The following OR14I1 variants were observed in gnomAD, a reference collection of about 807,000 sequenced individuals.
OR14I1 encodes olfactory receptor family 14 subfamily I member 1.
For missense variants in OR14I1, 279 were observed against 181.8 expected, an observed-to-expected ratio of 1.53 and a Z score of -3.07; for synonymous variants, 118 against 71.1, an observed-to-expected ratio of 1.66 and a Z score of -3.32.
upstream of OR14I1, among the ~76,000 whole-genome samples, chr1:248,686,811 G>A (rs2103136061): frequency 8.4e-6 from 1 of 119,630 alleles, no homozygotes; most frequent in South Asian, 2.8e-4. Context: ...TCACTGTCTG[G>A]ACCAATGATG....
the OR14I1 span, chr1:248,698,971 A>G: frequency 5.3e-4 from 81 of 152,302 alleles, no homozygotes; most frequent in African/African-American, 1.9e-3. Context: ...GAAATTGCAA[A>G]TCAGCCATCA....
the OR14I1 span, chr1:248,697,301 C>A: frequency 1.3e-5 from 2 of 152,056 alleles, no homozygotes; most frequent in African/African-American, 2.4e-5. Flanking sequence ...TTGTCCAAAT[C>A]TCTTAGAAAT....
At chr1:248,694,002 C>G in the OR14I1 span, among the ~76,000 whole-genome samples, 2 of 152,052 alleles carry the variant, frequency 1.3e-5, no homozygotes, top group African/African-American at 4.8e-5. Flanking sequence ...GTGGCACACA[C>G]TCTAATAATT....
the OR14I1 span, among the ~76,000 whole-genome samples, chr1:248,690,600 CAAAAAAAAAAAAA>C: frequency 3.9e-5 from 2 of 51,524 alleles, no homozygotes; most frequent in African/African-American, 7.8e-5. Flanking sequence ...GTCTACCAAC[CAAAAAAAAAAAAA>C]AAAAAAAAAA....
chr1:248,683,375 A>C (rs1190022219), upstream of OR14I1, among the ~76,000 whole-genome samples: 1 of 152,230 alleles, frequency 6.6e-6, no homozygotes, highest in Non-Finnish European at 1.5e-5. Context: ...CACATGACTC[A>C]AATATTCTCA....
chr1:248,695,471 G>C, the OR14I1 span, among the ~76,000 whole-genome samples: 100 of 152,156 alleles, frequency 6.6e-4, no homozygotes, highest in Non-Finnish European at 1.2e-3. Flanking sequence ...CTGACCTCGT[G>C]ATCCACCTGC....
chr1:248,683,892 C>T (rs1029727689), upstream of OR14I1, among the ~76,000 whole-genome samples: 1 of 152,098 alleles, frequency 6.6e-6, no homozygotes, highest in Non-Finnish European at 1.5e-5. Flanking sequence ...AATAGCTGAG[C>T]GTGGTGGCAC....
chr1:248,690,224 A>C, the OR14I1 span, among the ~76,000 whole-genome samples: 4 of 152,278 alleles, frequency 2.6e-5, 1 homozygote, highest in Middle Eastern at 0.014. Context: ...AAATAACTAA[A>C]ATCAGAGTAG....
At chr1:248,694,129 T>C in the OR14I1 span, among the ~76,000 whole-genome samples, 1 of 152,178 alleles carries the variant, frequency 6.6e-6, no homozygotes, top group South Asian at 2.1e-4. Context: ...ATACTTAATC[T>C]CATACTTAAC....
the OR14I1 span, among the ~76,000 whole-genome samples, chr1:248,697,493 A>C: frequency 3.3e-5 from 5 of 151,844 alleles, no homozygotes; most frequent in Middle Eastern, 6.8e-3. Context: ...AAAAAAAAAA[A>C]AAAAAACATG....
the OR14I1 span, among the ~76,000 whole-genome samples, chr1:248,695,228 C>CTTTTTGTTTTTT: frequency 3.1e-5 from 3 of 96,732 alleles, no homozygotes; most frequent in African/African-American, 9.1e-5. Context: ...TGAATGTATG[C>CTTTTTGTTTTTT]TTTTTTTTTT....
At chr1:248,681,824 T>C (rs776780133) in exon 1 of OR14I1, 2 of 781,042 alleles carry the variant, frequency 2.6e-6, no homozygotes, top group Non-Finnish European at 4.8e-6. Context: ...TCCCGAAACA[T>C]GTTGCCAGTG....
the OR14I1 span, among the ~76,000 whole-genome samples, chr1:248,691,522 T>G: frequency 1.3e-5 from 2 of 152,196 alleles, no homozygotes; most frequent in Non-Finnish European, 2.9e-5. Context: ...TATCTTTAAT[T>G]GGGTGGGGTG....
chr1:248,693,572 T>C, the OR14I1 span, among the ~76,000 whole-genome samples: 1 of 152,218 alleles, frequency 6.6e-6, no homozygotes, highest in African/African-American at 2.4e-5. Flanking sequence ...TCTCTTCTGC[T>C]TTCCACACCT....
the OR14I1 span, chr1:248,692,178 C>G: frequency 6.6e-6 from 1 of 152,496 alleles, no homozygotes; most frequent in African/African-American, 2.4e-5. Flanking sequence ...CGGGCAGGCT[C>G]CTCTTGGCCT....
downstream of OR14I1, chr1:248,681,268 T>A: frequency 1.8e-6 from 1 of 571,162 alleles, no homozygotes; most frequent in Non-Finnish European, 3.1e-6. Context: ...TCAGGATTTT[T>A]CATCATTTCA....
chr1:248,700,775 C>A, the OR14I1 span, among the ~76,000 whole-genome samples: 1 of 152,176 alleles, frequency 6.6e-6, no homozygotes, highest in Non-Finnish European at 1.5e-5. Context: ...TCATTGAGTT[C>A]ATATGCGTCA....
downstream of OR14I1, among the ~76,000 whole-genome samples, chr1:248,680,659 T>C (rs1661544044): frequency 6.6e-6 from 1 of 152,142 alleles, no homozygotes; most frequent in South Asian, 2.1e-4. Flanking sequence ...CTGTATGTAT[T>C]AACACATTGA....
downstream of OR14I1, among the ~76,000 whole-genome samples, chr1:248,681,092 G>A (rs1197012178): frequency 1.3e-5 from 2 of 151,742 alleles, no homozygotes; most frequent in Non-Finnish European, 2.9e-5. Context: ...TGTGTGGAAT[G>A]GGAAGGAATA....
Sources: gnomAD v4.1 joint callset for allele counts (sites outside exome capture counted in the v4.1 genomes callset) on GRCh38, gnomAD v4.1.1 for gene constraint, MANE v1.5 for transcripts, NCBI Gene and HGNC (gene_info 2026-07-23, HGNC 2026-07-21) for gene names.